Variants in ERC2 observed in about 807,000 individuals in gnomAD.
ERC2 encodes the protein ELKS/RAB6-interacting/CAST family member 2.
Under a neutral mutation model 114.8 loss-of-function variants are expected in ERC2, and 42 were observed. The observed-to-expected ratio is 0.37, with a 90% CI of 0.29 to 0.47. The LOEUF (loss-of-function observed/expected upper bound fraction) is 0.47. Among genes scored for constraint, ERC2 ranks in the 20% least tolerant of loss-of-function variants. The pLI, the probability that ERC2 is intolerant of heterozygous loss-of-function variation, is 0.99. For missense variants in ERC2, 939 were observed against 1,150.7 expected, an observed-to-expected ratio of 0.82 and a Z score of 2.66; for synonymous variants, 454 against 425.5, an observed-to-expected ratio of 1.07 and a Z score of -0.82.
chr3:56,368,783 G>T (rs1470373218), intron 2 of ERC2, among the ~76,000 whole-genome samples: 1 of 151,030 alleles, frequency 6.6e-6, no homozygotes, highest in Non-Finnish European at 1.5e-5. Flanking sequence ...GTCCTAAATA[G>T]CATCTTTATA....
chr3:56,190,930 C>T (rs1201847939), intron 3 of ERC2, among the ~76,000 whole-genome samples: 1 of 152,056 alleles, frequency 6.6e-6, no homozygotes, highest in Non-Finnish European at 1.5e-5. Flanking sequence ...AAGATAACAT[C>T]CTCATAACAG....
chr3:55,713,036 T>C (rs1026687051), intron 15 of ERC2, among the ~76,000 whole-genome samples: 8 of 151,892 alleles, frequency 5.3e-5, no homozygotes, highest in African/African-American at 1.9e-4. Context: ...TGCTGTGCAA[T>C]GCTAATGCTC....
At chr3:55,947,815 G>A (rs999079273) in intron 13 of ERC2, among the ~76,000 whole-genome samples, 2 of 152,178 alleles carry the variant, frequency 1.3e-5, no homozygotes, top group Non-Finnish European at 2.9e-5. Context: ...TATGGCAATT[G>A]CTAACTGACA....
intron 6 of ERC2, 76 bp from the exon 7 acceptor site, chr3:56,081,060 G>A (rs2077205862): frequency 2.7e-6 from 4 of 1,499,068 alleles, no homozygotes; most frequent in African/African-American, 1.4e-5. Flanking sequence ...GCCCTTTGAG[G>A]AGGCAGGGCA....
chr3:56,187,582 T>C (rs1041471238), intron 3 of ERC2, among the ~76,000 whole-genome samples: 17 of 152,204 alleles, frequency 1.1e-4, no homozygotes, highest in Non-Finnish European at 2.2e-4. Context: ...TACTATTTGT[T>C]AGACACTGTT....
At chr3:55,799,056 A>G (rs1375864253) in intron 14 of ERC2, among the ~76,000 whole-genome samples, 5 of 152,122 alleles carry the variant, frequency 3.3e-5, no homozygotes, top group Non-Finnish European at 5.9e-5. Context: ...TCTCATCTCT[A>G]TATAATATGG....
At chr3:55,666,436 T>C (rs1159429477) in intron 17 of ERC2, among the ~76,000 whole-genome samples, 1 of 152,088 alleles carries the variant, frequency 6.6e-6, no homozygotes, top group Non-Finnish European at 1.5e-5. Context: ...TTCCTCTGAG[T>C]AGTGTCAAAG....
chr3:56,359,135 T>A (rs1011176870), intron 2 of ERC2, among the ~76,000 whole-genome samples: 1 of 152,224 alleles, frequency 6.6e-6, no homozygotes, highest in South Asian at 2.1e-4. Flanking sequence ...AAAAGCCCCA[T>A]CACAATATCA....
At chr3:55,733,503 C>G (rs2065406293) in intron 15 of ERC2, among the ~76,000 whole-genome samples, 1 of 143,348 alleles carries the variant, frequency 7.0e-6, no homozygotes, top group Middle Eastern at 3.6e-3. Context: ...GTCTCTCTCT[C>G]TCTCTCATTC....
At chr3:56,011,735 T>C (rs2072956723) in intron 8 of ERC2, among the ~76,000 whole-genome samples, 1 of 152,116 alleles carries the variant, frequency 6.6e-6, no homozygotes, top group Non-Finnish European at 1.5e-5. Flanking sequence ...CGGATGGCCA[T>C]GTTAAAAAAT....
intron 3 of ERC2, among the ~76,000 whole-genome samples, chr3:56,269,574 G>A (rs1242883862): frequency 6.6e-6 from 1 of 152,138 alleles, no homozygotes; most frequent in Non-Finnish European, 1.5e-5. Context: ...CAACATAGGA[G>A]GAACTAGGGG....
At chr3:55,747,485 T>C (rs745543778) in intron 14 of ERC2, among the ~76,000 whole-genome samples, 19 of 152,158 alleles carry the variant, frequency 1.2e-4, no homozygotes, top group Non-Finnish European at 2.1e-4. Flanking sequence ...TGGAAATAAC[T>C]GAAAGTCCAA....
chr3:55,930,233 C>T (rs550176753), intron 13 of ERC2, among the ~76,000 whole-genome samples: 10 of 151,918 alleles, frequency 6.6e-5, no homozygotes, highest in Admixed American at 2.0e-4. Flanking sequence ...AGTGAGACTC[C>T]GTCTCAAGAA....
chr3:55,647,798 A>T (rs1343421806), intron 17 of ERC2, among the ~76,000 whole-genome samples: 1 of 152,178 alleles, frequency 6.6e-6, no homozygotes, highest in East Asian at 1.9e-4. Context: ...CAATCCCAGA[A>T]CAGCTGCCCT....
intron 17 of ERC2, among the ~76,000 whole-genome samples, chr3:55,573,268 A>G (rs1480081876): frequency 1.3e-5 from 2 of 152,210 alleles, no homozygotes; most frequent in Admixed American, 6.5e-5. Flanking sequence ...TTCCCTCATC[A>G]GTAAAATGGG....
Position 56,072,120 on chromosome 3 carries a change from T to G in ERC2, c.1641+8697A>C, listed in dbSNP as rs574979828. The G allele has an allele frequency of 3.9e-5, 6 of 154,320 alleles. No homozygotes were observed. In the East Asian group the frequency reaches 1.2e-3, roughly 30 times the overall value. The allele number at this position is 154,320 out of a possible 1,614,324, so 9.6% of individuals were successfully genotyped here. A position where few individuals can be genotyped will look rare whatever the true frequency, so the allele number is the denominator to read the frequency against. ...CACTGTATTGGATGTGAGGGCAATC[T>G]GGCTGCAACATCTGTCACCCCATTG... On this transcript the variant is annotated intron_variant, in intron 7 of 17. Coordinates refer to ENST00000288221, the MANE Select transcript of ERC2 (RefSeq NM_015576.3).
Position 56,435,156 on chromosome 3 carries a change from T to A in ERC2, c.-140-9A>T. On this transcript the variant is annotated splice_polypyrimidine_tract_variant and intron_variant, in intron 1 of 17. Transcript: ENST00000288221. ...TAACTCCACTCAGAGATCTACAAAG[T>A]GAAAAAAAGAATAATTAAAAACAAA... 1 of 618,136 alleles carries A rather than the reference T, an allele frequency of 1.6e-6. No individual in the cohort carries two copies. The allele number at this position is 618,136 out of a possible 1,614,324, so 38.3% of individuals were successfully genotyped here.
chr3:55,898,933 C>T (rs2063977136), intron 13 of ERC2, among the ~76,000 whole-genome samples: 2 of 152,338 alleles, frequency 1.3e-5, no homozygotes, highest in African/African-American at 4.8e-5. Flanking sequence ...GTAGATCTTC[C>T]TGCAATGCTG....
intron 17 of ERC2, among the ~76,000 whole-genome samples, chr3:55,535,052 G>A (rs2053913926): frequency 6.6e-6 from 1 of 152,212 alleles, no homozygotes; most frequent in African/African-American, 2.4e-5. Context: ...ATTTCCACCA[G>A]GGTTCCTGCT....
Sources: allele counts gnomAD v4.1 joint callset (sites outside exome capture counted in the v4.1 genomes callset), GRCh38; gene constraint gnomAD v4.1.1; transcripts MANE v1.5; gene names NCBI Gene and HGNC (gene_info 2026-07-23, HGNC 2026-07-21).